The following PLXNB2 variants were observed in gnomAD, a reference collection of about 807,000 sequenced individuals.
The protein encoded by PLXNB2 is plexin B2, also known as plexin-B2.
A neutral mutation model predicts 202.6 loss-of-function variants in PLXNB2; 85 were observed. The ratio of observed to expected loss-of-function variants is 0.42; its 90% CI spans 0.35 to 0.50. The LOEUF (loss-of-function observed/expected upper bound fraction) is 0.50, where lower values mean the gene tolerates loss of function less well. PLXNB2 is among the 20% of genes least tolerant of loss of function. The pLI, the probability that PLXNB2 is intolerant of heterozygous loss-of-function variation, is 0.02. For synonymous variants in PLXNB2, 1,239 were observed against 1,137.6 expected (o/e 1.09, Z -1.79); for missense variants, 2,063 against 2,586.2 (o/e 0.80, Z 4.39).
In PLXNB2 at chr22:50,297,627, G is replaced by C. The variant is rs1182553932; in HGVS notation, c.-73-2849C>G. ...GCCAGGCTCCATCTCCTGCTCACAA[G>C]ATTCCCGCTTAGCTACCCCAGAAAA... On this transcript the variant is annotated intron_variant, in intron 1 of 36. Transcript: ENST00000359337. The surrounding 1 kb of genome is among the most constrained non-coding windows in gnomAD (Gnocchi z 5.3). 2.0e-5 allele frequency among the ~76,000 whole-genome samples: 3 copies of C among 152,146 alleles called. No homozygotes were observed. Among genetic ancestry groups the C allele is most frequent in the African/African-American group, 7.2e-5 (3 of 41,434 alleles).
rs369024095 is a variant in PLXNB2 at position 50,283,429 on chromosome 22, C to T, written c.2587G>A (p.Glu863Lys). Residue 863 changes from glutamate to lysine, a missense_variant, in exon 16 of 37, where the codon GAG (glutamate) becomes AAG (lysine). Around this residue, in one of 2 missense-constraint regions of PLXNB2, gnomAD observed 1,303 missense variants for 1,476.8 expected, o/e 0.88. Coordinates refer to ENST00000359337, the MANE Select transcript of PLXNB2 (RefSeq NM_012401.4). ...SVSTRIVCVI[E>K]AAETPFTGGV... ...CCCGTGAAAGGCGTCTCCGCAGCCT[C>T]GATCACACACACGATCCTGGCGGGC... 9.3e-6 allele frequency: 15 copies of T among 1,613,076 alleles called. No homozygotes were observed. Among genetic ancestry groups the T allele is most frequent in the Non-Finnish European group, 5.9e-6 (7 of 1,179,880 alleles).
rs553336059 is a variant in PLXNB2, at chr22:50,291,059, C to T, written c.-13-462G>A. On this transcript the variant is annotated intron_variant, in intron 2 of 36. Transcript: ENST00000359337. This position sits in a 1 kb window ranked among gnomAD's most constrained non-coding sequence, Gnocchi z 4.3. ...TGGACGTTGGAACAGGTGGCTCACC[C>T]ATGGGGCAGAGGTGAAGGACACGGG... Among the ~76,000 whole-genome samples the T allele has an allele frequency of 3.2e-4, 49 of 152,302 alleles. No individual in the cohort carries two copies. Among genetic ancestry groups the T allele is most frequent in the African/African-American group, 1.1e-3 (47 of 41,562 alleles).
In PLXNB2 at chr22:50,289,378, C is replaced by T; in HGVS notation, c.1068+139G>A. On this transcript the variant is annotated intron_variant, in intron 3 of 36. Coordinates refer to ENST00000359337, the MANE Select transcript of PLXNB2 (RefSeq NM_012401.4). The surrounding 1 kb of genome is among the most constrained non-coding windows in gnomAD (Gnocchi z 8.0). The stretch of plus-strand genomic sequence containing the variant: ...GTGAATGGCATTGAGAGATGCGGCA[C>T]CCACCCACGCAAGCGCCCAGGCTGG... The T allele has an allele frequency of 8.6e-7, 1 of 1,156,072 alleles. No homozygotes were observed. Among genetic ancestry groups the T allele is most frequent in the Non-Finnish European group, 1.2e-6 (1 of 842,098 alleles). 71.6% of individuals were successfully genotyped at this position (1,156,072 alleles called of 1,614,324 possible).
In PLXNB2 at chr22:50,280,933, G is replaced by A. The variant is rs532502882; in HGVS notation, c.3804C>T (p.His1268=). ...AGTCCAGCACGGGGATGCCGGCCTC[G>A]TGCACGTCGTTGGTCTGGTCCTCCA... ...IEMEDQTNDV[H]EAGIPVLDYK... is the part of the protein sequence containing the mutation. The change falls in exon 24 of 37, where the codon CAC becomes CAT. Residue 1268 remains histidine, a synonymous_variant. Coordinates refer to ENST00000359337, the MANE Select transcript of PLXNB2 (RefSeq NM_012401.4). The A allele has an allele frequency of 1.7e-5, 28 of 1,613,284 alleles. No homozygotes were observed. The highest frequency in any genetic ancestry group is 1.6e-4 in the East Asian group (7 of 44,894).
chr22:50,307,506 AC>A, intron 1 of PLXNB2, 46 bp downstream of exon 1: 1 of 879,856 alleles, frequency 1.1e-6, no homozygotes, highest in East Asian at 1.3e-4. Flanking sequence ...AGCCCCCCCC[AC>A]GCCCAGCGAG....
In PLXNB2 at chr22:50,289,241, C is replaced by T. The variant is rs996884552; in HGVS notation, c.1069-99G>A. 75 of 1,130,598 alleles carry T rather than the reference C, an allele frequency of 6.6e-5. No individual in the cohort carries two copies. The Middle Eastern group carries it at 1.1e-3, about 16-fold the overall frequency. 70.0% of individuals were successfully genotyped at this position (1,130,598 alleles called of 1,614,324 possible). ...TCGGGACAGGCCCTTCCCTTCCCTC[C>T]GGCACACGTCCTACACACGTCCCCG... On this transcript the variant is annotated intron_variant, in intron 3 of 36. Transcript: ENST00000359337. The surrounding 1 kb of genome is among the most constrained non-coding windows in gnomAD (Gnocchi z 8.0).
chr22:50,301,309 C>G (rs2067667141), intron 1 of PLXNB2: 1 of 780,192 alleles, frequency 1.3e-6, no homozygotes, highest in Admixed American at 6.2e-5. Flanking sequence ...ACACCGTGGT[C>G]CTTCGGGTCA....
rs1339598389 is a variant in PLXNB2, at chr22:50,284,126, C to T, written c.2263+6G>A. 1 of 1,610,938 alleles carries T rather than the reference C, an allele frequency of 6.2e-7. No homozygotes were observed. On this transcript the variant is annotated splice_donor_region_variant and intron_variant, in intron 13 of 36. Transcript: ENST00000359337. The surrounding 1 kb of genome is among the most constrained non-coding windows in gnomAD (Gnocchi z 8.0). ...GCCCGCCCCCCACTGCGCCCGTGGC[C>T]CCCACCATGGAGCTTGCTGTCGATA...
intron 22 of PLXNB2, 54 bp downstream of exon 22, chr22:50,281,306 G>C: frequency 6.3e-7 from 1 of 1,598,884 alleles, no homozygotes; most frequent in Non-Finnish European, 8.5e-7. Context: ...CAGAGGGGCC[G>C]AGGCGGGAGG....
At position 50,281,346 on chromosome 22, in the gene PLXNB2, G is replaced by C. The variant is rs375994997; in HGVS notation, c.3662+14C>G. ...AGGGCTCAGGGTGTTGGCACAGCCG[G>C]GGGGCGGGCTCACCAGTAGCAGTAG... On this transcript the variant is annotated intron_variant, in intron 22 of 36. Transcript: ENST00000359337. 5.5e-5 allele frequency: 88 copies of C among 1,611,286 alleles called. No individual in the cohort carries two copies. In the African/African-American group the frequency reaches 1.1e-3, roughly 21 times the overall value.
intron 1 of PLXNB2, among the ~76,000 whole-genome samples, chr22:50,306,309 C>G (rs1044881796): frequency 3.9e-5 from 6 of 152,214 alleles, no homozygotes; most frequent in Admixed American, 2.6e-4. Context: ...CTGCTTGCTT[C>G]TCAGTCGGCT....
rs1408645115 is a variant in PLXNB2 at position 50,289,002 on chromosome 22, G to A, written c.1209C>T (p.His403=). 1.9e-5 allele frequency: 30 copies of A among 1,610,606 alleles called. No individual in the cohort carries two copies. Among genetic ancestry groups the A allele is most frequent in the Middle Eastern group, 1.6e-4 (1 of 6,078 alleles). Residue 403 remains histidine (H), a synonymous_variant, in exon 4 of 37, where the codon CAC becomes CAT. Transcript: ENST00000359337. This position sits in a 1 kb window ranked among gnomAD's most constrained non-coding sequence, Gnocchi z 8.0. The part of the protein sequence containing the change: ...TAVTVAAENN[H]TVAFLGTSDG... ...CAGAGGTGCCCAGAAAAGCAACAGT[G>A]TGGTTGTTCTCGGCGGCGACCGTCA...
In PLXNB2 at chr22:50,289,240, C is replaced by T. The variant is rs1214803446; in HGVS notation, c.1069-98G>A. ...CTCGGGACAGGCCCTTCCCTTCCCT[C>T]CGGCACACGTCCTACACACGTCCCC... On this transcript the variant is annotated intron_variant, in intron 3 of 36. Coordinates refer to ENST00000359337, the MANE Select transcript of PLXNB2 (RefSeq NM_012401.4). The surrounding 1 kb of genome is among the most constrained non-coding windows in gnomAD (Gnocchi z 8.0). 1.8e-6 allele frequency: 2 copies of T among 1,140,396 alleles called. No homozygotes were observed. Among genetic ancestry groups the T allele is most frequent in the Admixed American group, 2.8e-5 (1 of 36,172 alleles). The allele number at this position is 1,140,396 out of a possible 1,614,324, so 70.6% of individuals were successfully genotyped here. A position where few individuals can be genotyped will look rare whatever the true frequency, so the allele number is the denominator to read the frequency against.
chr22:50,276,320 CCGCAGG>C (rs2065573601), intron 35 of PLXNB2, among the ~76,000 whole-genome samples: 1 of 3,486 alleles, frequency 2.9e-4, no homozygotes, highest in African/African-American at 1.5e-3. Context: ...GTGGATGGAG[CCGCAGG>C]GAGGGGGCGC....
rs2065928324 is a variant in PLXNB2, at chr22:50,280,744, A to G, written c.3993T>C (p.Asn1331=). The G allele has an allele frequency of 7.9e-6, 10 of 1,263,706 alleles. No individual in the cohort carries two copies. Among genetic ancestry groups the G allele is most frequent in the Middle Eastern group, 2.1e-4 (1 of 4,772 alleles). The allele number at this position is 1,263,706 out of a possible 1,614,324, so 78.3% of individuals were successfully genotyped here. ...NLLNSKSFLI[N]FIHTLENQRE... ...CCCGCCCGCCCGACGCCTGGCTCAC[A>G]TTGATGAGGAAAGACTTGCTGTTCA... Residue 1331 remains asparagine (N), a splice_region_variant and synonymous_variant, in exon 24 of 37, where the codon AAT becomes AAC. Coordinates refer to ENST00000359337, the MANE Select transcript of PLXNB2 (RefSeq NM_012401.4).
Position 50,279,714 on chromosome 22 carries a change from G to A in PLXNB2, c.4305C>T (p.Gly1435=). Residue 1435 remains glycine (G), a synonymous_variant, in exon 27 of 37, where the codon GGC becomes GGT. Transcript: ENST00000359337. ...FKAIKHQVEK[G]PVDAVQKKAK... ...CCTTCTTCTGTACCGCATCCACCGG[G>A]CCCTTTTCCACCTGATGTTTGATGG... is the stretch of plus-strand genomic sequence containing the variant. 1 of 1,613,920 alleles carries A rather than the reference G, an allele frequency of 6.2e-7. No homozygotes were observed. Among genetic ancestry groups the A allele is most frequent in the Non-Finnish European group, 8.5e-7 (1 of 1,179,880 alleles).
chr22:50,306,087 T>C (rs767039601), intron 1 of PLXNB2, among the ~76,000 whole-genome samples: 2 of 152,228 alleles, frequency 1.3e-5, no homozygotes, highest in Non-Finnish European at 2.9e-5. Flanking sequence ...TTCGGGTGAC[T>C]GGACACGGCT....
rs1392710899 is a variant in PLXNB2 at position 50,284,399 on chromosome 22, AGGCAGAG to A, written c.2181+167_2181+173del. On this transcript the variant is annotated intron_variant, in intron 12 of 36. Transcript: ENST00000359337. The surrounding 1 kb of genome is among the most constrained non-coding windows in gnomAD (Gnocchi z 8.0). ...GCTCTGTGCCACTCTGTCCCCAGGG[AGGCAGAG>A]GGCAGAGGGGGCTTCCCCAGCAGCA... Among the ~76,000 whole-genome samples the A allele has an allele frequency of 1.3e-5, 2 of 152,036 alleles. No individual in the cohort carries two copies. Among genetic ancestry groups the A allele is most frequent in the African/African-American group, 4.8e-5 (2 of 41,378 alleles).
chr22:50,302,975 C>A (rs940754553), intron 1 of PLXNB2, among the ~76,000 whole-genome samples: 24 of 152,142 alleles, frequency 1.6e-4, no homozygotes, highest in African/African-American at 5.8e-4. Context: ...TCCTGCTGGT[C>A]CTCAAACCCC....
Sources: allele counts gnomAD v4.1 joint callset (sites outside exome capture counted in the v4.1 genomes callset), GRCh38; gene constraint gnomAD v4.1.1; regional missense constraint gnomAD v4.1.1; non-coding constraint Gnocchi (gnomAD v3.1); transcripts MANE v1.5; gene names NCBI Gene and HGNC (gene_info 2026-07-23, HGNC 2026-07-21).